The following ANKRD55 variants were observed in gnomAD, a reference collection of about 807,000 sequenced individuals.
ANKRD55 encodes ankyrin repeat domain-containing protein 55.
Under a neutral mutation model 60.6 loss-of-function variants are expected in ANKRD55, and 41 were observed. That is an observed-to-expected ratio of 0.68 (90% CI 0.53 to 0.88). ANKRD55 has a LOEUF of 0.88. Ranked by LOEUF, ANKRD55 falls within the 40% of genes least tolerant of loss-of-function variation. ANKRD55 has a pLI of 0.00. For synonymous variants in ANKRD55, 264 were observed against 290.3 expected (o/e 0.91, Z 0.92); for missense variants, 732 against 767.6 (o/e 0.95, Z 0.55).
intron 2 of ANKRD55, among the ~76,000 whole-genome samples, chr5:56,231,664 C>T (rs159719): frequency 5.6e-4 from 7 of 12,492 alleles, no homozygotes; most frequent in East Asian, 0.011. Flanking sequence ...CACACACACA[C>T]ACACACACAC....
In ANKRD55 at chr5:56,221,291, G is replaced by A. The variant is rs865971079; in HGVS notation, c.58+11565C>T. Among the ~76,000 whole-genome samples, 3 of 152,306 alleles carry A rather than the reference G, an allele frequency of 2.0e-5. No homozygotes were observed. In the South Asian group the frequency reaches 6.2e-4, roughly 32 times the overall value. ...CAGATTTTTAACTTTTGCTTTTTCA[G>A]CAAAGCACAGATCTTTTTGTCTAGC... On this transcript the variant is annotated intron_variant, in intron 2 of 11. Transcript: ENST00000341048.
intron 10 of ANKRD55, chr5:56,110,440 T>C (rs1756648771): frequency 1.3e-5 from 2 of 152,280 alleles, no homozygotes; most frequent in Admixed American, 1.3e-4. Context: ...ATACATTTAT[T>C]TAAAAGGTGG....
intron 5 of ANKRD55, among the ~76,000 whole-genome samples, chr5:56,166,777 TA>T (rs79845091): frequency 0.01 from 1,535 of 152,044 alleles, 28 homozygotes; most frequent in African/African-American, 0.035. Flanking sequence ...ATAGTAAAAT[TA>T]AAAAAAATGA....
At chr5:56,217,232 G>A (rs191848750) in intron 2 of ANKRD55, among the ~76,000 whole-genome samples, 118 of 152,250 alleles carry the variant, frequency 7.8e-4, no homozygotes, top group African/African-American at 2.7e-3. Context: ...GCCTACTATT[G>A]AGACCTACTG....
Position 56,136,853 on chromosome 5 carries a change from C to T in ANKRD55, c.612+6948G>A. The T allele has an allele frequency of 1.4e-5, 5 of 354,690 alleles. 1 individual carries two copies. Among genetic ancestry groups the T allele is most frequent in the South Asian group, 1.1e-4 (5 of 44,042 alleles). 22.0% of individuals were successfully genotyped at this position (354,690 alleles called of 1,614,324 possible). On this transcript the variant is annotated intron_variant, in intron 7 of 11. Transcript: ENST00000341048. ...GAAGGATCACTTGAGACCAGGAGGT[C>T]CAGGCTGCAGTGAGCCATGATTATG...
intron 2 of ANKRD55, among the ~76,000 whole-genome samples, chr5:56,204,426 C>T (rs1368638092): frequency 6.6e-6 from 1 of 152,170 alleles, no homozygotes; most frequent in Non-Finnish European, 1.5e-5. Context: ...ATGGTATCGC[C>T]TAGGTTTTCT....
chr5:56,140,441 T>C (rs1757731369), intron 7 of ANKRD55, among the ~76,000 whole-genome samples: 1 of 152,194 alleles, frequency 6.6e-6, no homozygotes, highest in Non-Finnish European at 1.5e-5. Context: ...AAGAAAGTTG[T>C]GGACTCCTTC....
chr5:56,143,852 G>A lies in ANKRD55; in HGVS notation c.561C>T (p.Asp187=), dbSNP rs770077288. The part of the protein sequence containing the change: ...HTQMLLKKGA[D]PTLVDKDFKT... ...TAAAGTCTTTATCCACAAGGGTGGG[G>A]TCTGCCCCCTTCTTCAGCAGCATTT... Residue 187 remains aspartate, a synonymous_variant, in exon 7 of 12, where the codon GAC becomes GAT. Transcript: ENST00000341048. 3.0e-5 allele frequency: 49 copies of A among 1,614,080 alleles called. No homozygotes were observed. Among genetic ancestry groups the A allele is most frequent in the Admixed American group, 3.0e-4 (18 of 60,006 alleles).
intron 4 of ANKRD55, among the ~76,000 whole-genome samples, chr5:56,171,761 A>C (rs964831471): frequency 2.6e-5 from 4 of 152,206 alleles, no homozygotes; most frequent in Non-Finnish European, 5.9e-5. Context: ...GTAAACCTCA[A>C]AATTATCCAG....
intron 7 of ANKRD55, among the ~76,000 whole-genome samples, chr5:56,141,122 C>T (rs978559352): frequency 4.3e-5 from 6 of 138,558 alleles, no homozygotes; most frequent in African/African-American, 1.6e-4. Flanking sequence ...TACATGCATG[C>T]ACACACAGTT....
At chr5:56,202,197 C>T (rs1255620298) in intron 2 of ANKRD55, among the ~76,000 whole-genome samples, 6 of 151,726 alleles carry the variant, frequency 4.0e-5, no homozygotes, top group East Asian at 1.9e-4. Context: ...TAATAGATGC[C>T]GAGCTTAATA....
intron 6 of ANKRD55, among the ~76,000 whole-genome samples, chr5:56,157,392 G>A (rs1758220569): frequency 1.3e-5 from 2 of 152,202 alleles, no homozygotes. Context: ...AGAAAGACCT[G>A]ACCGTCCACC....
chr5:56,209,357 T>G (rs1203003734), intron 2 of ANKRD55, among the ~76,000 whole-genome samples: 1 of 152,242 alleles, frequency 6.6e-6, no homozygotes, highest in Non-Finnish European at 1.5e-5. Flanking sequence ...GGACTCAGCA[T>G]TACTAATATA....
At chr5:56,139,219 T>G (rs892062218) in intron 7 of ANKRD55, among the ~76,000 whole-genome samples, 1 of 152,330 alleles carries the variant, frequency 6.6e-6, no homozygotes. Flanking sequence ...AAGAACCCAA[T>G]AAGCCATTAA....
intron 2 of ANKRD55, among the ~76,000 whole-genome samples, chr5:56,197,762 G>A (rs1759260726): frequency 6.6e-6 from 1 of 152,128 alleles, no homozygotes; most frequent in Non-Finnish European, 1.5e-5. Context: ...TTACTGTAAT[G>A]AGATACGAAA....
rs1756673958 is a variant in ANKRD55 at position 56,111,041 on chromosome 5, A to T, written c.1630+77T>A. ...CTGCCTTCTAGGCTATTGTCACTCC[A>T]GTTCCTAGCTTAAAACTGTACGGGA... On this transcript the variant is annotated intron_variant, in intron 10 of 11. Coordinates refer to ENST00000341048, the MANE Select transcript of ANKRD55 (RefSeq NM_024669.3). 4.7e-6 allele frequency: 7 copies of T among 1,499,212 alleles called. No homozygotes were observed. In the South Asian group the frequency reaches 9.1e-5, roughly 20 times the overall value. The allele number at this position is 1,499,212 out of a possible 1,614,324, so 92.9% of individuals were successfully genotyped here. A position where few individuals can be genotyped will look rare whatever the true frequency, so the allele number is the denominator to read the frequency against.
At chr5:56,175,147 G>C (rs1758711970) in intron 4 of ANKRD55, among the ~76,000 whole-genome samples, 1 of 152,166 alleles carries the variant, frequency 6.6e-6, no homozygotes, top group African/African-American at 2.4e-5. Flanking sequence ...GAAAAAGTAG[G>C]CTCTAAAGGA....
intron 2 of ANKRD55, among the ~76,000 whole-genome samples, chr5:56,189,288 G>A (rs1271247427): frequency 6.9e-6 from 1 of 144,528 alleles, no homozygotes; most frequent in Non-Finnish European, 1.5e-5. Flanking sequence ...TCCAGCCTGG[G>A]CAACAGAGCG....
At chr5:56,102,472 G>A (rs775536147) in intron 11 of ANKRD55, 22 bp downstream of exon 11, 3 of 1,508,348 alleles carry the variant, frequency 2.0e-6, no homozygotes, top group Non-Finnish European at 2.8e-6. Flanking sequence ...AAAGGAAGCT[G>A]CGGAAGATTC....
Sources: allele counts gnomAD v4.1 joint callset (sites outside exome capture counted in the v4.1 genomes callset), GRCh38; gene constraint gnomAD v4.1.1; transcripts MANE v1.5; gene names NCBI Gene and HGNC (gene_info 2026-07-23, HGNC 2026-07-21).